The following SORBS2 variants were observed in gnomAD, a reference collection of about 807,000 sequenced individuals.
SORBS2 encodes sorbin and SH3 domain-containing protein 2.
SORBS2 carries 46 observed loss-of-function variants against 97.7 expected under a neutral mutation model. The ratio of observed to expected loss-of-function variants is 0.47; its 90% CI spans 0.37 to 0.60. The LOEUF (loss-of-function observed/expected upper bound fraction) is 0.60, where lower values mean the gene tolerates loss of function less well. SORBS2 is among the 20% of genes least tolerant of loss of function. The pLI, the probability that SORBS2 is intolerant of heterozygous loss-of-function variation, is 0.00. For synonymous variants in SORBS2, 476 were observed against 473.4 expected (o/e 1.01, Z -0.07); for missense variants, 1,316 against 1,282.3 (o/e 1.03, Z -0.40).
chr4:185,686,513 A>C (rs1432906762), intron 2 of SORBS2, among the ~76,000 whole-genome samples: 2 of 152,262 alleles, frequency 1.3e-5, no homozygotes, highest in Non-Finnish European at 2.9e-5. Flanking sequence ...AAACAACTGA[A>C]GATTCCTTCA....
At position 185,928,842 on chromosome 4, in the gene SORBS2, G is replaced by A. The variant is rs143664194; in HGVS notation, c.-338+27354C>T. On this transcript the variant is annotated intron_variant, in intron 1 of 20. Coordinates refer to the SORBS2 transcript ENST00000284776. ...ATTCCAGGCGTGAGCCACCGCGCCTGGCCAAGAAGGTTCTTCTTTCCAGCT... is the reference window on the plus strand; with the variant it reads ...ATTCCAGGCGTGAGCCACCGCGCCTAGCCAAGAAGGTTCTTCTTTCCAGCT... 2.6e-3 allele frequency among the ~76,000 whole-genome samples: 392 copies of A among 152,224 alleles called. 3 individuals carry two copies. The highest frequency in any genetic ancestry group is 9.2e-3 in the African/African-American group (382 of 41,546).
intron 1 of SORBS2, among the ~76,000 whole-genome samples, chr4:185,886,554 C>CAA (rs1198439527): frequency 0.14 from 9,842 of 72,696 alleles, 660 homozygotes; most frequent in Middle Eastern, 0.18. Context: ...GACTCTGTCT[C>CAA]AAAAAAAAAA....
At chr4:185,939,495 C>G (rs1428465724) in intron 1 of SORBS2, among the ~76,000 whole-genome samples, 1 of 152,160 alleles carries the variant, frequency 6.6e-6, no homozygotes, top group Non-Finnish European at 1.5e-5. Flanking sequence ...AAAGAGGTAT[C>G]TGCACTTCCT....
chr4:185,717,841 C>A (rs936784360), intron 2 of SORBS2, among the ~76,000 whole-genome samples: 3 of 152,214 alleles, frequency 2.0e-5, no homozygotes, highest in African/African-American at 7.2e-5. Flanking sequence ...AGCCGCATGA[C>A]CTGGGGTGAG....
At chr4:185,612,561 C>T (rs1358018461) in intron 11 of SORBS2, among the ~76,000 whole-genome samples, 3 of 150,266 alleles carry the variant, frequency 2.0e-5, no homozygotes, top group African/African-American at 4.9e-5. Flanking sequence ...GTGATCATGG[C>T]TCACTGCAAC....
rs376775859 is a variant in SORBS2 at position 185,731,300 on chromosome 4, C to T, written c.-198+43927G>A. 8.5e-5 allele frequency among the ~76,000 whole-genome samples: 13 copies of T among 152,262 alleles called. 1 individual carries two copies. In the South Asian group the frequency reaches 1.9e-3, roughly 22 times the overall value. ...ATTGGCTTCTATTGAAAATACCTCA[C>T]GCATCATTTTCTCTTGTCTCTACTT... On this transcript the variant is annotated intron_variant, in intron 2 of 20. Coordinates refer to the SORBS2 transcript ENST00000284776.
chr4:185,649,744 G>T, intron 2 of SORBS2, 88 bp from the exon 12 acceptor site: 1 of 768,878 alleles, frequency 1.3e-6, no homozygotes, highest in Non-Finnish European at 1.9e-6. Flanking sequence ...CCTCAAAATA[G>T]CCAATGATTG....
At chr4:185,630,328 T>C (rs1243724454) in intron 5 of SORBS2, among the ~76,000 whole-genome samples, 1 of 152,156 alleles carries the variant, frequency 6.6e-6, no homozygotes, top group East Asian at 1.9e-4. Context: ...GATTTCTCAG[T>C]CTGTGAAGGA....
chr4:185,875,534 GTGACTT>G (rs2099233067), intron 1 of SORBS2, among the ~76,000 whole-genome samples: 1 of 152,220 alleles, frequency 6.6e-6, no homozygotes, highest in Non-Finnish European at 1.5e-5. Flanking sequence ...GTTGTAGAGA[GTGACTT>G]TTCATTTTAC....
chr4:185,600,285 G>A lies in SORBS2; in HGVS notation c.2797-6350C>T, dbSNP rs546267278. ...GGCACAGCAGAAAAAGGTTCACAGAGGAAAGCTGGCATAGGGAAGAGGCCA... is the reference window on the plus strand; with the variant it reads ...GGCACAGCAGAAAAAGGTTCACAGAAGAAAGCTGGCATAGGGAAGAGGCCA... On this transcript the variant is annotated intron_variant, in intron 12 of 14. Transcript: ENST00000418609. Among the ~76,000 whole-genome samples, 13 of 152,304 alleles carry A rather than the reference G, an allele frequency of 8.5e-5. 1 individual carries two copies. Among genetic ancestry groups the A allele is most frequent in the Middle Eastern group, 3.4e-3 (1 of 294 alleles).
At chr4:185,703,432 C>A (rs1055516431) in intron 2 of SORBS2, among the ~76,000 whole-genome samples, 1 of 152,058 alleles carries the variant, frequency 6.6e-6, no homozygotes, top group South Asian at 2.1e-4. Context: ...CCAAATATTA[C>A]GTTTTTGCAT....
intron 13 of SORBS2, among the ~76,000 whole-genome samples, chr4:185,592,360 G>A (rs1367469392): frequency 6.6e-6 from 1 of 152,140 alleles, no homozygotes; most frequent in Non-Finnish European, 1.5e-5. Context: ...TCAGGACTTT[G>A]AAAATGTAAC....
intron 2 of SORBS2, among the ~76,000 whole-genome samples, chr4:185,652,213 C>G (rs1021276251): frequency 1.3e-5 from 2 of 152,166 alleles, no homozygotes; most frequent in Non-Finnish European, 2.9e-5. Flanking sequence ...GGCCCTTGTC[C>G]TCGCTTCCCC....
chr4:185,672,039 T>C (rs1223257183), intron 4 of SORBS2, among the ~76,000 whole-genome samples: 1 of 152,288 alleles, frequency 6.6e-6, no homozygotes, highest in African/African-American at 2.4e-5. Flanking sequence ...GATCAACTAA[T>C]AGCATTACGA....
chr4:185,840,849 T>C (rs1039052792), intron 1 of SORBS2, among the ~76,000 whole-genome samples: 1 of 151,794 alleles, frequency 6.6e-6, no homozygotes, highest in Non-Finnish European at 1.5e-5. Context: ...GGCAGACCCA[T>C]AGACTGACTC....
chr4:185,677,455 C>T (rs1319018554), intron 4 of SORBS2: 5 of 1,552,010 alleles, frequency 3.2e-6, no homozygotes, highest in Non-Finnish European at 4.4e-6. Context: ...TCAGAATATA[C>T]AATTGTCTGT....
chr4:185,813,741 T>C (rs949984470), intron 1 of SORBS2, among the ~76,000 whole-genome samples: 2 of 152,198 alleles, frequency 1.3e-5, no homozygotes, highest in Non-Finnish European at 2.9e-5. Flanking sequence ...TTCCAACACC[T>C]GGCCCAAATG....
exon 15 of SORBS2, chr4:185,587,549 AGGCCCGCGGGGT>A: frequency 8.0e-7 from 1 of 1,256,988 alleles, no homozygotes; most frequent in Non-Finnish European, 1.2e-6. Context: ...TGACAACGGG[AGGCCCGCGGGGT>A]GTTTCAGGCG....
At chr4:185,635,437 AG>A (rs1432879761) in intron 4 of SORBS2, 26 bp from the exon 16 acceptor site, 3 of 1,581,210 alleles carry the variant, frequency 1.9e-6, no homozygotes, top group East Asian at 2.2e-5. Flanking sequence ...CCACAGAAGC[AG>A]AAGTGTAGGG....
Sources: allele counts gnomAD v4.1 joint callset (sites outside exome capture counted in the v4.1 genomes callset), GRCh38; gene constraint gnomAD v4.1.1; transcripts MANE v1.5; gene names NCBI Gene and HGNC (gene_info 2026-07-23, HGNC 2026-07-21).